The following CDKL3 variants were observed in gnomAD, a reference collection of about 807,000 sequenced individuals.
CDKL3 encodes the protein cyclin-dependent kinase-like 3.
In CDKL3, 65 loss-of-function variants were observed where a neutral mutation model predicts 69.3. That is an observed-to-expected ratio of 0.94 (90% confidence interval 0.77 to 1.15). The LOEUF (loss-of-function observed/expected upper bound fraction) is 1.15. CDKL3 is among the 50% of genes most tolerant of loss of function. CDKL3 has a pLI of 0.00. For synonymous variants in CDKL3, 202 were observed against 221.6 expected (o/e 0.91, Z 0.79); for missense variants, 652 against 689.2 (o/e 0.95, Z 0.61).
downstream of CDKL3, among the ~76,000 whole-genome samples, chr5:134,297,159 T>G (rs1304592610): frequency 3.3e-5 from 5 of 151,882 alleles, no homozygotes; most frequent in Non-Finnish European, 7.4e-5. Flanking sequence ...GCCATGTTGG[T>G]CAGGCTGGTT....
chr5:134,362,937 TAAC>T (rs1223391729), intron 2 of CDKL3, among the ~76,000 whole-genome samples: 5 of 152,058 alleles, frequency 3.3e-5, no homozygotes, highest in Admixed American at 6.6e-5. Context: ...CTCAGAACAA[TAAC>T]AACAACAATA....
At chr5:134,319,227 A>G (rs1192583143) in intron 6 of CDKL3, 131 bp downstream of exon 6, 6 of 623,778 alleles carry the variant, frequency 9.6e-6, no homozygotes, top group African/African-American at 7.8e-5. Flanking sequence ...ACTACTCGGA[A>G]GGCTGAGGCA....
At chr5:134,368,618 CAAAAAAA>C (rs11339001), upstream of CDKL3, among the ~76,000 whole-genome samples, 1 of 69,812 alleles carries the variant, frequency 1.4e-5, no homozygotes, top group African/African-American at 6.3e-5. Context: ...GACTCCATCT[CAAAAAAA>C]AAAAAAAAAA....
chr5:134,368,370 G>A (rs1757914611), upstream of CDKL3, among the ~76,000 whole-genome samples: 1 of 152,196 alleles, frequency 6.6e-6, no homozygotes, highest in Admixed American at 6.5e-5. Flanking sequence ...TGTAATCCCA[G>A]CACTTTGGGA....
downstream of CDKL3, among the ~76,000 whole-genome samples, chr5:134,286,125 GA>G (rs1452710432): frequency 2.6e-5 from 4 of 151,246 alleles, no homozygotes; most frequent in Non-Finnish European, 4.4e-5. Context: ...TCTCAAAAAA[GA>G]AAAAAAACAA....
At chr5:134,340,996 A>G (rs1026324113) in intron 4 of CDKL3, among the ~76,000 whole-genome samples, 5 of 152,210 alleles carry the variant, frequency 3.3e-5, no homozygotes, top group African/African-American at 1.2e-4. Flanking sequence ...ACTGTGACCA[A>G]CTGGGATTTA....
chr5:134,351,337 A>T (rs1055894532), intron 3 of CDKL3, among the ~76,000 whole-genome samples: 1 of 152,170 alleles, frequency 6.6e-6, no homozygotes, highest in Admixed American at 6.5e-5. Context: ...CACTTTTGTC[A>T]CTTGGTTATA....
chr5:134,310,602 C>T (rs1268393798), intron 7 of CDKL3, among the ~76,000 whole-genome samples: 1 of 152,146 alleles, frequency 6.6e-6, no homozygotes, highest in Non-Finnish European at 1.5e-5. Flanking sequence ...ACTCTCCTGT[C>T]CCAGCCTCCT....
At chr5:134,325,776 T>C (rs992708406) in intron 4 of CDKL3, among the ~76,000 whole-genome samples, 1 of 151,890 alleles carries the variant, frequency 6.6e-6, no homozygotes, top group African/African-American at 2.4e-5. Context: ...TATTATTATT[T>C]TTTTTGAGAT....
upstream of CDKL3, chr5:134,371,553 G>A: frequency 6.2e-7 from 1 of 1,605,320 alleles, no homozygotes; most frequent in East Asian, 2.2e-5. Flanking sequence ...GGGCTGCGCG[G>A]GACTTTTTTT....
upstream of CDKL3, chr5:134,371,474 C>CGGCGGA (rs1194288858): frequency 7.9e-5 from 62 of 786,328 alleles, no homozygotes; most frequent in Middle Eastern, 2.2e-3. Flanking sequence ...TTGTCAGTCT[C>CGGCGGA]GGCGGCGGCG....
intron 4 of CDKL3, among the ~76,000 whole-genome samples, chr5:134,333,930 C>T (rs1203727441): frequency 6.6e-6 from 1 of 152,110 alleles, no homozygotes; most frequent in African/African-American, 2.4e-5. Flanking sequence ...GCTATGAATC[C>T]ATCTGGTCCT....
chr5:134,318,365 C>G (rs1278417531), intron 6 of CDKL3, among the ~76,000 whole-genome samples: 1 of 152,130 alleles, frequency 6.6e-6, no homozygotes, highest in Admixed American at 6.6e-5. Flanking sequence ...AACATTAAAA[C>G]TACAGCTGCT....
At chr5:134,286,797 A>G (rs1177561954) in intron 8 of CDKL3, among the ~76,000 whole-genome samples, 1 of 152,174 alleles carries the variant, frequency 6.6e-6, no homozygotes, top group Non-Finnish European at 1.5e-5. Flanking sequence ...CCATGATTCA[A>G]TTACCTCCCA....
chr5:134,291,155 G>A (rs1765109316), intron 8 of CDKL3, among the ~76,000 whole-genome samples: 1 of 152,204 alleles, frequency 6.6e-6, no homozygotes, highest in Admixed American at 6.5e-5. Context: ...ACTCAAGGAA[G>A]CATATGGAGT....
chr5:134,296,858 A>G (rs1765379920), downstream of CDKL3, among the ~76,000 whole-genome samples: 1 of 151,688 alleles, frequency 6.6e-6, no homozygotes, highest in African/African-American at 2.4e-5. Context: ...GAGGTGTAGT[A>G]GTCTAGGTTG....
chr5:134,309,296 G>A (rs1768751479), intron 7 of CDKL3, among the ~76,000 whole-genome samples: 1 of 152,096 alleles, frequency 6.6e-6, no homozygotes, highest in South Asian at 2.1e-4. Context: ...TGGTCAGGCT[G>A]GTCTCCAACT....
intron 7 of CDKL3, among the ~76,000 whole-genome samples, 197 bp downstream of exon 7, chr5:134,312,095 C>T (rs993148017): frequency 6.6e-6 from 1 of 152,170 alleles, no homozygotes; most frequent in Non-Finnish European, 1.5e-5. Context: ...TATGCCCATC[C>T]TATTATTAGG....
intron 4 of CDKL3, among the ~76,000 whole-genome samples, chr5:134,326,866 T>TACAC (rs1219130463): frequency 6.1e-5 from 6 of 98,258 alleles, no homozygotes; most frequent in African/African-American, 3.6e-4. Flanking sequence ...TATATATATA[T>TACAC]ACACACACAC....
Sources: gnomAD v4.1 joint callset for allele counts (sites outside exome capture counted in the v4.1 genomes callset) on GRCh38, gnomAD v4.1.1 for gene constraint, MANE v1.5 for transcripts, NCBI Gene and HGNC (gene_info 2026-07-23, HGNC 2026-07-21) for gene names.